The following FSTL5 variants were observed in gnomAD, a reference collection of about 807,000 sequenced individuals.
FSTL5 encodes follistatin like 5.
In FSTL5, 62 loss-of-function variants were observed where a neutral mutation model predicts 89.1. The ratio of observed to expected loss-of-function variants is 0.70; its 90% CI spans 0.57 to 0.86. The LOEUF (loss-of-function observed/expected upper bound fraction) is 0.86. Ranked by LOEUF, FSTL5 falls within the 40% of genes least tolerant of loss-of-function variation. The pLI is 0.00. For missense variants in FSTL5, 1,057 were observed against 1,001.6 expected (o/e 1.06, Z -0.75); for synonymous variants, 383 against 346.2 (o/e 1.11, Z -1.18).
chr4:161,717,429 G>A (rs1739025261), intron 6 of FSTL5, among the ~76,000 whole-genome samples: 1 of 152,110 alleles, frequency 6.6e-6, no homozygotes, highest in Non-Finnish European at 1.5e-5. Context: ...AGCAACTCTG[G>A]GGTATGCCAA....
chr4:161,516,724 TACACACACACACAC>T (rs35139981), intron 10 of FSTL5, among the ~76,000 whole-genome samples: 14 of 127,300 alleles, frequency 1.1e-4, no homozygotes, highest in Non-Finnish European at 1.5e-4. Context: ...TATATATATG[TACACACACACACAC>T]ACACACACAC....
chr4:162,160,622 G>T (rs1733657751), intron 1 of FSTL5, among the ~76,000 whole-genome samples: 1 of 151,614 alleles, frequency 6.6e-6, no homozygotes, highest in South Asian at 2.1e-4. Context: ...GTCATTCAAG[G>T]CCTTTGGGTC....
At chr4:162,146,184 A>G (rs1561044534) in intron 1 of FSTL5, among the ~76,000 whole-genome samples, 1 of 152,138 alleles carries the variant, frequency 6.6e-6, no homozygotes, top group Non-Finnish European at 1.5e-5. Flanking sequence ...TAACACTTGA[A>G]TGGAGATATC....
At chr4:161,534,109 C>T (rs1731513560) in intron 10 of FSTL5, among the ~76,000 whole-genome samples, 1 of 152,030 alleles carries the variant, frequency 6.6e-6, no homozygotes, top group African/African-American at 2.4e-5. Flanking sequence ...TATGACAAAC[C>T]CACAGCCAAC....
At chr4:161,476,789 A>G (rs1323106898) in intron 13 of FSTL5, among the ~76,000 whole-genome samples, 1 of 152,174 alleles carries the variant, frequency 6.6e-6, no homozygotes, top group Non-Finnish European at 1.5e-5. Flanking sequence ...GGAGCTTGCA[A>G]CAATGAGCAA....
chr4:161,536,256 CAT>C (rs1268394433), intron 10 of FSTL5, among the ~76,000 whole-genome samples: 7 of 151,968 alleles, frequency 4.6e-5, no homozygotes, highest in African/African-American at 1.7e-4. Context: ...TTATTGAAAA[CAT>C]AAAAATAATA....
intron 2 of FSTL5, among the ~76,000 whole-genome samples, chr4:162,091,639 C>G (rs919285467): frequency 3.3e-5 from 5 of 152,046 alleles, no homozygotes; most frequent in Non-Finnish European, 7.4e-5. Context: ...TCATTTGTGG[C>G]CTGATGAGTT....
intron 4 of FSTL5, among the ~76,000 whole-genome samples, chr4:161,893,258 T>C (rs1733045113): frequency 6.6e-6 from 1 of 152,122 alleles, no homozygotes; most frequent in Admixed American, 6.5e-5. Context: ...AGGACCTTTA[T>C]CAAAGAGAAG....
intron 6 of FSTL5, among the ~76,000 whole-genome samples, chr4:161,707,119 G>A (rs1247367741): frequency 6.6e-6 from 1 of 151,544 alleles, no homozygotes; most frequent in Non-Finnish European, 1.5e-5. Flanking sequence ...GTTTTTTTCT[G>A]TAAATTAATG....
intron 6 of FSTL5, among the ~76,000 whole-genome samples, chr4:161,711,790 G>A (rs1020591953): frequency 1.3e-5 from 2 of 152,096 alleles, no homozygotes. Flanking sequence ...GAAAAAGTGG[G>A]ATTCATCTCA....
At chr4:161,731,481 C>T (rs1275600187) in intron 6 of FSTL5, among the ~76,000 whole-genome samples, 1 of 151,994 alleles carries the variant, frequency 6.6e-6, no homozygotes, top group Admixed American at 6.6e-5. Context: ...GGCAACTCCC[C>T]CTTTACTCTC....
rs1733524491 is a variant in FSTL5 at position 161,906,283 on chromosome 4, C to G, written c.409+14121G>C. 2.0e-5 allele frequency among the ~76,000 whole-genome samples: 3 copies of G among 152,026 alleles called. No homozygotes were observed. In the South Asian group the frequency reaches 6.2e-4, roughly 32 times the overall value. On this transcript the variant is annotated intron_variant, in intron 4 of 15. Transcript: ENST00000306100. Reference sequence around the variant, plus strand: ...TTAAAGTAAAGAAATTCACCAGTCTCCAGAGGGAGGAACAACGGCACCATT... The same window carrying G: ...TTAAAGTAAAGAAATTCACCAGTCTGCAGAGGGAGGAACAACGGCACCATT...
chr4:161,430,895 A>T (rs571253798), intron 15 of FSTL5, among the ~76,000 whole-genome samples: 1 of 152,270 alleles, frequency 6.6e-6, no homozygotes, highest in Non-Finnish European at 1.5e-5. Context: ...GCTAAGAGAG[A>T]GTGGCATGAC....
Position 162,076,663 on chromosome 4 carries a change from A to G in FSTL5, c.126+34608T>C, listed in dbSNP as rs904567969. Among the ~76,000 whole-genome samples, 9 of 151,776 alleles carry G rather than the reference A, an allele frequency of 5.9e-5. 1 individual carries two copies. Among genetic ancestry groups the G allele is most frequent in the African/African-American group, 2.2e-4 (9 of 41,380 alleles). On this transcript the variant is annotated intron_variant, in intron 2 of 15. Transcript: ENST00000306100. ...GATGCTGGGATCCAACATTGTGATG[A>G]GAAAGAATACAAATATGAGGGTGGG...
chr4:162,083,718 A>G (rs1215050793), intron 2 of FSTL5, among the ~76,000 whole-genome samples: 4 of 151,880 alleles, frequency 2.6e-5, no homozygotes, highest in Non-Finnish European at 4.4e-5. Context: ...TCAATTTATA[A>G]TAGCAGAACA....
chr4:162,013,503 C>T (rs538403336), intron 3 of FSTL5, among the ~76,000 whole-genome samples: 1 of 152,226 alleles, frequency 6.6e-6, no homozygotes, highest in Non-Finnish European at 1.5e-5. Flanking sequence ...GAAGGCAGAG[C>T]ACATTCTTTC....
At chr4:161,417,277 TTAACTC>T (rs1197765240) in intron 15 of FSTL5, among the ~76,000 whole-genome samples, 2 of 152,244 alleles carry the variant, frequency 1.3e-5, no homozygotes, top group Non-Finnish European at 2.9e-5. Context: ...TTTGTTTGCT[TTAACTC>T]TAGCTAATTT....
intron 1 of FSTL5, among the ~76,000 whole-genome samples, chr4:162,124,241 A>G (rs902698242): frequency 2.0e-5 from 3 of 152,198 alleles, no homozygotes; most frequent in South Asian, 2.1e-4. Context: ...AGAAACACAG[A>G]ATTAGAATTT....
chr4:161,606,884 T>C (rs1734465874), intron 7 of FSTL5, among the ~76,000 whole-genome samples: 1 of 152,116 alleles, frequency 6.6e-6, no homozygotes, highest in Admixed American at 6.5e-5. Flanking sequence ...TGGGAAGAGA[T>C]AAAAATTTAA....
Sources: allele counts gnomAD v4.1 joint callset (sites outside exome capture counted in the v4.1 genomes callset), GRCh38; gene constraint gnomAD v4.1.1; transcripts MANE v1.5; gene names NCBI Gene and HGNC (gene_info 2026-07-23, HGNC 2026-07-21).